Variants in ATRNL1 observed in about 807,000 individuals in gnomAD.
The protein encoded by ATRNL1 is attractin like 1.
In ATRNL1, 95 loss-of-function variants were observed where a neutral mutation model predicts 182.7. That is an observed-to-expected ratio of 0.52 (90% CI 0.44 to 0.62). ATRNL1 has a LOEUF of 0.62. ATRNL1 is among the 20% of genes least tolerant of loss of function. The pLI, the probability that ATRNL1 is intolerant of heterozygous loss-of-function variation, is 0.00. For missense variants in ATRNL1, 1,471 were observed against 1,679.5 expected (o/e 0.88, Z 2.17); for synonymous variants, 576 against 568.3 (o/e 1.01, Z -0.19).
chr10:115,105,773 G>A (rs879984591), intron 1 of ATRNL1, among the ~76,000 whole-genome samples: 2 of 152,218 alleles, frequency 1.3e-5, no homozygotes, highest in Non-Finnish European at 2.9e-5. Flanking sequence ...GGGTGCACAG[G>A]AGTCAAGAAT....
intron 5 of ATRNL1, among the ~76,000 whole-genome samples, chr10:115,143,784 G>A (rs1427258982): frequency 6.6e-6 from 1 of 152,102 alleles, no homozygotes; most frequent in Non-Finnish European, 1.5e-5. Context: ...GAGCTGGAGA[G>A]AGTGAGCAAG....
chr10:115,453,847 A>G (rs1329976405), intron 21 of ATRNL1, among the ~76,000 whole-genome samples: 1 of 151,756 alleles, frequency 6.6e-6, no homozygotes, highest in Non-Finnish European at 1.5e-5. Context: ...ACCTAATGCT[A>G]AATGATGAGT....
chr10:115,497,579 T>TTCTCTCCATGAAAGTGGTGCACACTAC lies in ATRNL1; in HGVS notation c.3655-21658_3655-21657insCTCTCTCCATGAAAGTGGTGCACACTA, dbSNP rs564100753. Among the ~76,000 whole-genome samples, 338 of 152,332 alleles carry TTCTCTCCATGAAAGTGGTGCACACTAC rather than the reference T, an allele frequency of 2.2e-3. 1 individual carries two copies. The highest frequency in any genetic ancestry group is 6.7e-3 in the Admixed American group (102 of 15,294). Reference sequence around the variant, plus strand: ...AGGGCTAGTGTTGCTCACCACTCTCTTCTCTCCATGAAAGTGGTGCACACT... The same window carrying TTCTCTCCATGAAAGTGGTGCACACTAC: ...AGGGCTAGTGTTGCTCACCACTCTCTTCTCTCCATGAAAGTGGTGCACACTACTCTCTCCATGAAAGTGGTGCACACT... On this transcript the variant is annotated intron_variant, in intron 24 of 28. Coordinates refer to ENST00000355044, the MANE Select transcript of ATRNL1 (RefSeq NM_207303.4).
chr10:115,324,676 T>C (rs1854777454), intron 18 of ATRNL1, among the ~76,000 whole-genome samples: 1 of 152,210 alleles, frequency 6.6e-6, no homozygotes, highest in African/African-American at 2.4e-5. Context: ...AATTCTTTTC[T>C]GCTTTTTGTA....
At chr10:115,261,889 A>G (rs1851407517) in intron 10 of ATRNL1, among the ~76,000 whole-genome samples, 2 of 152,080 alleles carry the variant, frequency 1.3e-5, no homozygotes, top group Admixed American at 6.6e-5. Context: ...CTAAAAAACA[A>G]ATAAGAAACT....
intron 26 of ATRNL1, among the ~76,000 whole-genome samples, chr10:115,573,106 C>T (rs1048436649): frequency 6.6e-6 from 1 of 152,142 alleles, no homozygotes; most frequent in Non-Finnish European, 1.5e-5. Flanking sequence ...TTTCTGTATC[C>T]TAAGCTCTTG....
chr10:115,467,239 T>C lies in ATRNL1; in HGVS notation c.3483T>C (p.Ser1161=). The change falls in exon 23 of 29, where the codon TCT becomes TCC. Residue 1161 remains serine, a synonymous_variant. Transcript: ENST00000355044. ...SNNFNLNITW[S]VGSTAGTISG... ...ACTTTAATCTCAACATTACGTGGTC[T>C]GTCGGTTCAACAGGTAAAAAAATGT... The C allele has an allele frequency of 6.2e-7, 1 of 1,601,182 alleles. No homozygotes were observed. Among genetic ancestry groups the C allele is most frequent in the South Asian group, 1.1e-5 (1 of 90,058 alleles).
At chr10:115,293,202 A>G (rs1471969715) in intron 15 of ATRNL1, among the ~76,000 whole-genome samples, 1 of 151,962 alleles carries the variant, frequency 6.6e-6, no homozygotes, top group Non-Finnish European at 1.5e-5. Flanking sequence ...GTTTGCATGG[A>G]ATATCTTTTT....
rs555656252 is a variant in ATRNL1, at chr10:115,371,701, C to T, written c.3176-22958C>T. 3.3e-5 allele frequency among the ~76,000 whole-genome samples: 5 copies of T among 152,262 alleles called. No homozygotes were observed. In the South Asian group the frequency reaches 6.2e-4, roughly 19 times the overall value. Reference sequence around the variant, plus strand: ...TAGACAGAAGGGACTCTCCTTGTCTCGGATGAGACTGTGGACTTTTCAGTT... The same window carrying T: ...TAGACAGAAGGGACTCTCCTTGTCTTGGATGAGACTGTGGACTTTTCAGTT... On this transcript the variant is annotated intron_variant, in intron 19 of 28. Coordinates refer to ENST00000355044, the MANE Select transcript of ATRNL1 (RefSeq NM_207303.4).
intron 8 of ATRNL1, among the ~76,000 whole-genome samples, chr10:115,179,494 G>T (rs1263104211): frequency 6.6e-6 from 1 of 152,050 alleles, no homozygotes; most frequent in Non-Finnish European, 1.5e-5. Context: ...TTCCTGTTGT[G>T]GTAGGTCTCA....
chr10:115,862,899 TA>T (rs1951347811), intron 28 of ATRNL1, among the ~76,000 whole-genome samples: 1 of 152,206 alleles, frequency 6.6e-6, no homozygotes, highest in African/African-American at 2.4e-5. Context: ...GAGAAACTCA[TA>T]TGAAATTATT....
intron 26 of ATRNL1, among the ~76,000 whole-genome samples, chr10:115,653,927 T>G (rs1860164632): frequency 6.6e-6 from 1 of 152,200 alleles, no homozygotes; most frequent in Non-Finnish European, 1.5e-5. Context: ...CACATCCTTT[T>G]TTATGTGTAA....
At chr10:115,705,370 G>C (rs1304175448) in intron 26 of ATRNL1, among the ~76,000 whole-genome samples, 3 of 151,816 alleles carry the variant, frequency 2.0e-5, no homozygotes, top group African/African-American at 7.2e-5. Context: ...TAAAATAATA[G>C]AGGTATTGAT....
At chr10:115,636,250 G>A (rs777951635) in intron 26 of ATRNL1, among the ~76,000 whole-genome samples, 1 of 152,022 alleles carries the variant, frequency 6.6e-6, no homozygotes, top group African/African-American at 2.4e-5. Context: ...CCTTGGTTCC[G>A]ACACTCTTCT....
chr10:115,553,951 T>A (rs1235691960), intron 26 of ATRNL1, among the ~76,000 whole-genome samples: 6 of 151,482 alleles, frequency 4.0e-5, no homozygotes, highest in Admixed American at 3.9e-4. Context: ...TAAATATATT[T>A]ACAGAAAGAA....
At chr10:115,290,659 C>T (rs575363668) in intron 15 of ATRNL1, among the ~76,000 whole-genome samples, 3 of 151,940 alleles carry the variant, frequency 2.0e-5, no homozygotes, top group African/African-American at 7.3e-5. Flanking sequence ...TGCAGCCCCC[C>T]ACCCCCGTCC....
intron 8 of ATRNL1, among the ~76,000 whole-genome samples, chr10:115,198,714 T>G (rs565551228): frequency 1.3e-5 from 2 of 152,202 alleles, no homozygotes; most frequent in African/African-American, 4.8e-5. Flanking sequence ...AATTTTATTC[T>G]TCTGCATGTG....
intron 24 of ATRNL1, among the ~76,000 whole-genome samples, chr10:115,476,629 T>C (rs940537447): frequency 5.1e-4 from 77 of 151,448 alleles, no homozygotes; most frequent in Non-Finnish European, 1.6e-4. Context: ...TGAAATGTTC[T>C]TTTTTGTCTT....
chr10:115,103,141 G>A (rs1395241990), intron 1 of ATRNL1, among the ~76,000 whole-genome samples: 1 of 150,918 alleles, frequency 6.6e-6, no homozygotes, highest in African/African-American at 2.4e-5. Context: ...GGGTTCACGC[G>A]ATTCTCGTGC....
Sources: allele counts gnomAD v4.1 joint callset (sites outside exome capture counted in the v4.1 genomes callset), GRCh38; gene constraint gnomAD v4.1.1; transcripts MANE v1.5; gene names NCBI Gene and HGNC (gene_info 2026-07-23, HGNC 2026-07-21).